SLC39A11: variants seen among roughly 807,000 people sequenced by gnomAD.
SLC39A11 encodes the protein solute carrier family 39 member 11, also known as zinc transporter ZIP11.
In SLC39A11, 33 loss-of-function variants were observed where a neutral mutation model predicts 36.1. The observed-to-expected ratio is 0.91, with a 90% CI of 0.69 to 1.22. The LOEUF (loss-of-function observed/expected upper bound fraction) is 1.22, where lower values mean the gene tolerates loss of function less well. Ranked by LOEUF, SLC39A11 falls within the 50% of genes most tolerant of loss-of-function variation. SLC39A11 has a pLI of 0.00. For missense variants in SLC39A11, 432 were observed against 430.3 expected, an observed-to-expected ratio of 1.00 and a Z score of -0.03; for synonymous variants, 166 against 170.3, an observed-to-expected ratio of 0.97 and a Z score of 0.20.
At chr17:72,915,382 T>TGCCTC (rs2083273620) in intron 5 of SLC39A11, among the ~76,000 whole-genome samples, 1 of 152,208 alleles carries the variant, frequency 6.6e-6, no homozygotes, top group African/African-American at 2.4e-5. Flanking sequence ...TACCCTGCCC[T>TGCCTC]GCCTCGCTTT....
chr17:72,974,084 C>A (rs1486444568), intron 4 of SLC39A11, among the ~76,000 whole-genome samples: 3 of 151,744 alleles, frequency 2.0e-5, no homozygotes, highest in African/African-American at 7.3e-5. Flanking sequence ...TAGGCCTAGG[C>A]TAACATTCGT....
chr17:72,804,006 T>C (rs2713982), intron 6 of SLC39A11, among the ~76,000 whole-genome samples: 1 of 137,654 alleles, frequency 7.3e-6, no homozygotes, highest in Non-Finnish European at 1.5e-5. Context: ...CTTTTTTGGG[T>C]GGGGGCGGGG....
At chr17:72,949,143 G>GTTTTTTT (rs1568004786) in intron 4 of SLC39A11, among the ~76,000 whole-genome samples, 1 of 52,546 alleles carries the variant, frequency 1.9e-5, no homozygotes, top group South Asian at 7.0e-4. Flanking sequence ...ACACTGGGCA[G>GTTTTTTT]CTTTTTTTTT....
intron 6 of SLC39A11, among the ~76,000 whole-genome samples, chr17:72,832,412 C>A (rs2078325289): frequency 6.6e-6 from 1 of 152,216 alleles, no homozygotes; most frequent in African/African-American, 2.4e-5. Flanking sequence ...CTCTCCCAAA[C>A]CGCCATGCTG....
intron 7 of SLC39A11, among the ~76,000 whole-genome samples, chr17:72,682,808 T>C (rs117316091): frequency 0.03 from 4,571 of 152,340 alleles, 85 homozygotes; most frequent in Middle Eastern, 0.075. Flanking sequence ...TATCTTCTTA[T>C]CAGTCCTTTA....
intron 7 of SLC39A11, among the ~76,000 whole-genome samples, chr17:72,716,467 T>C (rs1198172608): frequency 6.6e-6 from 1 of 151,770 alleles, no homozygotes; most frequent in Non-Finnish European, 1.5e-5. Flanking sequence ...GGGACAGCCC[T>C]GACTCTCCCA....
Position 72,667,605 on chromosome 17 carries a change from G to A in SLC39A11, c.672-18337C>T, listed in dbSNP as rs1295561357. Among the ~76,000 whole-genome samples the A allele has an allele frequency of 2.6e-5, 4 of 152,308 alleles. No homozygotes were observed. In the East Asian group the frequency reaches 5.8e-4, roughly 22 times the overall value. On this transcript the variant is annotated intron_variant, in intron 7 of 9. Transcript: ENST00000255559. The stretch of plus-strand genomic sequence containing the variant: ...TCAGCTGGGAGGCTCAGCACCTGCT[G>A]CTTTGCATATGCTACCAATGCTATG...
At chr17:73,068,147 G>A (rs1568220437) in intron 3 of SLC39A11, 1 of 1,311,502 alleles carries the variant, frequency 7.6e-7, no homozygotes, top group South Asian at 1.2e-5. Flanking sequence ...GGTGTCGCCA[G>A]CAGGTTCCTC....
chr17:72,881,956 C>G (rs1598260908), intron 5 of SLC39A11, among the ~76,000 whole-genome samples: 1 of 152,194 alleles, frequency 6.6e-6, no homozygotes, highest in Non-Finnish European at 1.5e-5. Flanking sequence ...ATTTCTCCAT[C>G]CCATGACATC....
chr17:72,883,075 G>C (rs62071233), intron 5 of SLC39A11, among the ~76,000 whole-genome samples: 9,593 of 152,140 alleles, frequency 0.063, 323 homozygotes, highest in Middle Eastern at 0.11. Flanking sequence ...TGGATTACAG[G>C]CTGAGCCACC....
At chr17:73,085,924 G>T (rs370260828) in intron 2 of SLC39A11, among the ~76,000 whole-genome samples, 1 of 152,136 alleles carries the variant, frequency 6.6e-6, no homozygotes, top group African/African-American at 2.4e-5. Flanking sequence ...CGATGGGAAC[G>T]CACACACATA....
intron 6 of SLC39A11, among the ~76,000 whole-genome samples, chr17:72,843,546 T>A (rs1022410157): frequency 2.0e-5 from 3 of 152,080 alleles, no homozygotes; most frequent in African/African-American, 7.2e-5. Context: ...CTTTCCACCA[T>A]GTGAGGATAC....
At chr17:73,012,949 C>A (rs2090606693) in intron 4 of SLC39A11, among the ~76,000 whole-genome samples, 1 of 151,966 alleles carries the variant, frequency 6.6e-6, no homozygotes, top group Non-Finnish European at 1.5e-5. Context: ...CAAGTGCGAG[C>A]CACCAGGCCT....
At chr17:72,801,122 A>G (rs968754139) in intron 6 of SLC39A11, among the ~76,000 whole-genome samples, 1 of 152,228 alleles carries the variant, frequency 6.6e-6, no homozygotes, top group African/African-American at 2.4e-5. Context: ...AGAGAAACAG[A>G]AAGTAGATTA....
intron 7 of SLC39A11, among the ~76,000 whole-genome samples, chr17:72,655,478 G>A (rs774153006): frequency 1.3e-4 from 20 of 152,330 alleles, no homozygotes; most frequent in Middle Eastern, 3.4e-3. Flanking sequence ...GTTTATTGCC[G>A]TGGCATTGGG....
intron 7 of SLC39A11, among the ~76,000 whole-genome samples, chr17:72,669,765 G>A (rs543237212): frequency 1.3e-5 from 2 of 151,996 alleles, no homozygotes; most frequent in African/African-American, 4.8e-5. Context: ...AGACTGAGGG[G>A]GGCAGACTGC....
At chr17:72,944,747 G>A (rs2147670722) in intron 5 of SLC39A11, among the ~76,000 whole-genome samples, 1 of 152,202 alleles carries the variant, frequency 6.6e-6, no homozygotes, top group African/African-American at 2.4e-5. Flanking sequence ...TAACCCCATG[G>A]GCATCCAGAG....
chr17:72,757,523 G>A (rs72843264), intron 6 of SLC39A11, among the ~76,000 whole-genome samples: 11,859 of 151,678 alleles, frequency 0.078, 635 homozygotes, highest in Non-Finnish European at 0.12. Flanking sequence ...GGACAGTTTC[G>A]GTTGTGGGAC....
intron 4 of SLC39A11, among the ~76,000 whole-genome samples, chr17:72,948,771 A>C (rs557509656): frequency 9.8e-5 from 15 of 152,334 alleles, no homozygotes; most frequent in Admixed American, 9.2e-4. Context: ...TATTTGACAA[A>C]TATTAATTAA....
Sources: allele counts gnomAD v4.1 joint callset (sites outside exome capture counted in the v4.1 genomes callset), GRCh38; gene constraint gnomAD v4.1.1; transcripts MANE v1.5; gene names NCBI Gene and HGNC (gene_info 2026-07-23, HGNC 2026-07-21).